DIAPH2: variants seen among roughly 807,000 people sequenced by gnomAD.
DIAPH2 encodes the protein diaphanous related formin 2, also known as protein diaphanous homolog 2.
Under a neutral mutation model 92.7 loss-of-function variants are expected in DIAPH2, and 35 were observed. The observed-to-expected ratio is 0.38, with a 90% CI of 0.29 to 0.50. DIAPH2 has a LOEUF of 0.50. Ranked by LOEUF, DIAPH2 falls within the 20% of genes least tolerant of loss-of-function variation. The pLI is 0.94. For synonymous variants in DIAPH2, 301 were observed against 280.4 expected (o/e 1.07, Z -0.73); for missense variants, 701 against 819.5 (o/e 0.86, Z 1.77).
chrX:97,024,864 T>G (rs2066320940), intron 17 of DIAPH2, among the ~76,000 whole-genome samples: 1 of 112,102 alleles, frequency 8.9e-6, no homozygotes, highest in African/African-American at 3.2e-5. Flanking sequence ...AGAAGGCTAA[T>G]AGGCTTCTGT....
chrX:97,388,462 C>T (rs1420396972), intron 25 of DIAPH2, among the ~76,000 whole-genome samples: 2 of 111,783 alleles, frequency 1.8e-5, no homozygotes, highest in African/African-American at 6.5e-5. Flanking sequence ...AGCAATCCTC[C>T]TCCCTCAGCC....
At chrX:96,818,470 C>T (rs2064755462) in intron 4 of DIAPH2, among the ~76,000 whole-genome samples, 1 of 111,628 alleles carries the variant, frequency 9.0e-6, no homozygotes, top group Admixed American at 9.5e-5. Flanking sequence ...CACTGCTTTT[C>T]TACTGCCTAC....
chrX:96,705,861 T>C (rs998766566), intron 1 of DIAPH2, among the ~76,000 whole-genome samples: 9 of 111,434 alleles, frequency 8.1e-5, no homozygotes, highest in Non-Finnish European at 1.1e-4. Context: ...ACAGAATCCT[T>C]TGAGTGCAGG....
intron 24 of DIAPH2, among the ~76,000 whole-genome samples, chrX:97,357,386 C>T (rs1206852137): frequency 9.0e-6 from 1 of 111,543 alleles, no homozygotes; most frequent in Non-Finnish European, 1.9e-5. Context: ...GCCGTCACCC[C>T]TGAATAAGGC....
chrX:97,110,977 C>T (rs1255621709), intron 20 of DIAPH2, among the ~76,000 whole-genome samples: 5 of 102,311 alleles, frequency 4.9e-5, no homozygotes, highest in South Asian at 4.2e-4. Flanking sequence ...AACGAGACTC[C>T]GTCTCAAAAA....
chrX:97,336,602 G>A (rs898339145), intron 23 of DIAPH2, among the ~76,000 whole-genome samples: 24 of 111,261 alleles, frequency 2.2e-4, no homozygotes, highest in African/African-American at 7.2e-4. Context: ...TTTGTTTAAT[G>A]TATATTTTCC....
chrX:97,185,329 A>ATATATATATGTATATATATATG lies in DIAPH2; in HGVS notation c.2719+43544_2719+43545insGTATATATATATGTATATATAT, dbSNP rs1569322965. Among the ~76,000 whole-genome samples, 74 of 9,404 alleles carry ATATATATATGTATATATATATG rather than the reference A, an allele frequency of 7.9e-3. 24 individuals are homozygous for ATATATATATGTATATATATATG. The highest frequency in any genetic ancestry group is 0.023 in the South Asian group (2 of 88). 8.2% of individuals were successfully genotyped at this position (9,404 alleles called of 115,157 possible). On this transcript the variant is annotated intron_variant, in intron 22 of 26. Coordinates refer to ENST00000324765, the MANE Select transcript of DIAPH2 (RefSeq NM_006729.5). ...AAAATATATATATATATATATGTGT[A>ATATATATATGTATATATATATG]TATATATATATGTATATATATATGT... is the stretch of plus-strand genomic sequence containing the variant.
At chrX:97,348,943 A>G (rs2069182530) in intron 24 of DIAPH2, among the ~76,000 whole-genome samples, 1 of 109,410 alleles carries the variant, frequency 9.1e-6, no homozygotes, top group African/African-American at 3.3e-5. Flanking sequence ...TGCAATAGTA[A>G]CAGAAAGATA....
At chrX:96,805,770 A>C (rs1226456962) in intron 4 of DIAPH2, among the ~76,000 whole-genome samples, 1 of 111,694 alleles carries the variant, frequency 9.0e-6, no homozygotes, top group Non-Finnish European at 1.9e-5. Flanking sequence ...AGATTTTCTA[A>C]TCTAAAAATC....
chrX:96,736,350 A>G (rs1300874578), intron 2 of DIAPH2, among the ~76,000 whole-genome samples: 2 of 111,007 alleles, frequency 1.8e-5, no homozygotes, highest in Non-Finnish European at 3.8e-5. Context: ...CAAATAATTT[A>G]AAGTAGTGAT....
chrX:97,210,364 A>G (rs2067830446), intron 22 of DIAPH2, among the ~76,000 whole-genome samples: 1 of 111,731 alleles, frequency 9.0e-6, no homozygotes, highest in African/African-American at 3.2e-5. Flanking sequence ...TCACTTCTTA[A>G]TTAGTATAGC....
chrX:96,963,677 G>A (rs1192967102), intron 16 of DIAPH2, among the ~76,000 whole-genome samples: 1 of 110,971 alleles, frequency 9.0e-6, no homozygotes, highest in Non-Finnish European at 1.9e-5. Flanking sequence ...TTGCTGCCTG[G>A]ATTCCCGCTC....
intron 22 of DIAPH2, among the ~76,000 whole-genome samples, chrX:97,190,672 C>T (rs1325414800): frequency 9.2e-6 from 1 of 109,197 alleles, no homozygotes; most frequent in East Asian, 2.9e-4. Context: ...CATGGTGAAA[C>T]CCCATCTCTA....
At chrX:97,157,268 C>T (rs915982379) in intron 22 of DIAPH2, among the ~76,000 whole-genome samples, 11 of 109,600 alleles carry the variant, frequency 1.0e-4, no homozygotes, top group African/African-American at 3.3e-4. Flanking sequence ...GAGCCAAGAT[C>T]GTGCCATTGC....
intron 26 of DIAPH2, among the ~76,000 whole-genome samples, chrX:97,452,861 A>G (rs2070370868): frequency 8.9e-6 from 1 of 111,855 alleles, no homozygotes; most frequent in South Asian, 3.7e-4. Flanking sequence ...TTCCAAATAA[A>G]TGCTCTGTTT....
At chrX:97,273,309 AATTTTTATAT>A (rs763079615) in intron 23 of DIAPH2, among the ~76,000 whole-genome samples, 132 of 112,170 alleles carry the variant, frequency 1.2e-3, no homozygotes, top group African/African-American at 4.1e-3. Context: ...AATATGAATA[AATTTTTATAT>A]ATTTTGGCTT....
At chrX:96,804,888 T>C (rs1170482156) in intron 4 of DIAPH2, among the ~76,000 whole-genome samples, 2 of 111,680 alleles carry the variant, frequency 1.8e-5, no homozygotes, top group Non-Finnish European at 3.8e-5. Flanking sequence ...AATGGAGTTA[T>C]TTTCAAACTT....
intron 26 of DIAPH2, among the ~76,000 whole-genome samples, chrX:97,438,549 A>T (rs1282521958): frequency 9.5e-6 from 1 of 104,975 alleles, no homozygotes; most frequent in Non-Finnish European, 2.0e-5. Context: ...TTATTTATTT[A>T]TTTTTTTTGT....
Position 96,962,496 on chromosome X carries a change from C to CACAT in DIAPH2, c.1936-2596_1936-2595insCATA, listed in dbSNP as rs1447350119. 1.4e-3 allele frequency among the ~76,000 whole-genome samples: 64 copies of CACAT among 44,749 alleles called. 2 individuals carry two copies. The highest frequency in any genetic ancestry group is 4.7e-3 in the African/African-American group (53 of 11,286). The allele number at this position is 44,749 out of a possible 115,157, so 38.9% of individuals were successfully genotyped here. A position where few individuals can be genotyped will look rare whatever the true frequency, so the allele number is the denominator to read the frequency against. On this transcript the variant is annotated intron_variant, in intron 16 of 26. Coordinates refer to ENST00000324765, the MANE Select transcript of DIAPH2 (RefSeq NM_006729.5). Reference sequence around the variant, plus strand: ...ATATATATACACACACACACACACACATATATATATATATATATATATATA... The same window carrying CACAT: ...ATATATATACACACACACACACACACACATATATATATATATATATATATATATA...
Sources: allele counts gnomAD v4.1 joint callset (sites outside exome capture counted in the v4.1 genomes callset), GRCh38; gene constraint gnomAD v4.1.1; transcripts MANE v1.5; gene names NCBI Gene and HGNC (gene_info 2026-07-23, HGNC 2026-07-21).